RAB40C: variants seen among roughly 807,000 people sequenced by gnomAD.
The protein encoded by RAB40C is RAB40C, member RAS oncogene family.
RAB40C carries 8 observed loss-of-function variants against 28.1 expected under a neutral mutation model. The ratio of observed to expected loss-of-function variants is 0.28; its 90% confidence interval spans 0.17 to 0.51. The LOEUF (loss-of-function observed/expected upper bound fraction) is 0.51. RAB40C is among the 20% of genes least tolerant of loss of function. The probability of loss-of-function intolerance (pLI) is 0.97; values close to 1 mark genes in which losing one functional copy is unlikely to be tolerated. For missense variants in RAB40C, 288 were observed against 405.9 expected (o/e 0.71, Z 2.50); for synonymous variants, 201 against 171.7 (o/e 1.17, Z -1.34).
At chr16:620,332 G>T (rs2036684884) in intron 3 of RAB40C, among the ~76,000 whole-genome samples, 1 of 152,044 alleles carries the variant, frequency 6.6e-6, no homozygotes, top group Admixed American at 6.5e-5. Flanking sequence ...GGTGGAGGTT[G>T]CAGTGAGCCG....
chr16:621,539 C>T (rs765575068), intron 3 of RAB40C, among the ~76,000 whole-genome samples: 1 of 152,254 alleles, frequency 6.6e-6, no homozygotes. Context: ...GCTCTTCCCG[C>T]GAGGCCCTTC....
chr16:597,156 C>T (rs1272439302), intron 1 of RAB40C, among the ~76,000 whole-genome samples: 1 of 151,956 alleles, frequency 6.6e-6, no homozygotes, highest in African/African-American at 2.4e-5. Flanking sequence ...CAGCCAGGTT[C>T]TAGTGCTGGT....
chr16:598,561 C>CAAAAAAA (rs938034632), intron 1 of RAB40C, among the ~76,000 whole-genome samples: 34 of 53,510 alleles, frequency 6.4e-4, no homozygotes, highest in African/African-American at 7.8e-4. Context: ...CTCTGTCTCA[C>CAAAAAAA]AAAAAAAAAA....
At chr16:608,706 C>CA (rs1210090923) in intron 1 of RAB40C, among the ~76,000 whole-genome samples, 1 of 152,162 alleles carries the variant, frequency 6.6e-6, no homozygotes, top group Admixed American at 6.5e-5. Flanking sequence ...CCCATCTCTA[C>CA]AAAAAATGCA....
intron 1 of RAB40C, among the ~76,000 whole-genome samples, chr16:593,349 G>A (rs1349986660): frequency 6.6e-6 from 1 of 152,262 alleles, no homozygotes; most frequent in East Asian, 1.9e-4. Context: ...AGTTGTAGCA[G>A]GAGCTTTAGG....
intron 1 of RAB40C, among the ~76,000 whole-genome samples, chr16:604,018 T>C (rs1396945062): frequency 6.6e-6 from 1 of 152,174 alleles, no homozygotes; most frequent in Non-Finnish European, 1.5e-5. Context: ...TTTGGGGTAT[T>C]ACGAATAATG....
Position 628,665 on chromosome 16 carries a change from G to A in RAB40C, c.*1043G>A, listed in dbSNP as rs952330045. On this transcript the variant is annotated 3_prime_UTR_variant, in exon 6 of 6. Coordinates refer to ENST00000248139, the MANE Select transcript of RAB40C (RefSeq NM_021168.5). Reference sequence around the variant, plus strand: ...AGCCCGGCGCTCATGCTGAGCCCCAGGCACGCAGGGCCGGCCACCTCTCTC... The same window carrying A: ...AGCCCGGCGCTCATGCTGAGCCCCAAGCACGCAGGGCCGGCCACCTCTCTC... 1.3e-5 allele frequency: 2 copies of A among 152,592 alleles called. No individual in the cohort carries two copies. Among genetic ancestry groups the A allele is most frequent in the Non-Finnish European group, 2.9e-5 (2 of 68,148 alleles). 9.5% of individuals were successfully genotyped at this position (152,592 alleles called of 1,614,324 possible). A position where few individuals can be genotyped will look rare whatever the true frequency, so the allele number is the denominator to read the frequency against.
chr16:619,094 A>G (rs1307306438), intron 3 of RAB40C, among the ~76,000 whole-genome samples: 3 of 136,664 alleles, frequency 2.2e-5, no homozygotes, highest in African/African-American at 8.5e-5. Context: ...GTGTGCAGGC[A>G]TGTGCACAGG....
At chr16:603,129 G>C (rs1186643162) in intron 1 of RAB40C, among the ~76,000 whole-genome samples, 1 of 152,192 alleles carries the variant, frequency 6.6e-6, no homozygotes, top group African/African-American at 2.4e-5. Flanking sequence ...GTTTAGCCAG[G>C]TGTTCTGTGC....
At chr16:623,026 G>A (rs1253634898) in intron 3 of RAB40C, among the ~76,000 whole-genome samples, 2 of 152,058 alleles carry the variant, frequency 1.3e-5, no homozygotes, top group African/African-American at 2.4e-5. Flanking sequence ...GCAAGCCTCC[G>A]GGTCCTCCTG....
At position 624,220 on chromosome 16, in the gene RAB40C, A is replaced by G. The variant is rs1401253836; in HGVS notation, c.265-1212A>G. On this transcript the variant is annotated intron_variant, in intron 3 of 5. Coordinates refer to ENST00000248139, the MANE Select transcript of RAB40C (RefSeq NM_021168.5). ...GGTTGCCATGCGGGAGGTTGCCACTAGGGAGAGTGGGCTGTGTTGTACGCT... is the reference window on the plus strand; with the variant it reads ...GGTTGCCATGCGGGAGGTTGCCACTGGGGAGAGTGGGCTGTGTTGTACGCT... 5.1e-6 allele frequency: 5 copies of G among 985,266 alleles called. No homozygotes were observed. The Admixed American group carries it at 1.8e-4, about 36-fold the overall frequency. 61.0% of individuals were successfully genotyped at this position (985,266 alleles called of 1,614,324 possible).
intron 1 of RAB40C, among the ~76,000 whole-genome samples, chr16:594,900 A>G (rs879766447): frequency 1.3e-5 from 2 of 150,020 alleles, no homozygotes; most frequent in African/African-American, 2.5e-5. Context: ...GCTCACTGCA[A>G]CCTCTGCCTT....
In RAB40C at chr16:628,930, C is replaced by G. The variant is rs1481934930; in HGVS notation, c.*1308C>G. Reference sequence around the variant, plus strand: ...CAAGGTGGTCCCACGGAGGGTGTTACTGGGCACCAGTGGACTCGCCCCATG... The same window carrying G: ...CAAGGTGGTCCCACGGAGGGTGTTAGTGGGCACCAGTGGACTCGCCCCATG... On this transcript the variant is annotated 3_prime_UTR_variant, in exon 6 of 6. Coordinates refer to ENST00000248139, the MANE Select transcript of RAB40C (RefSeq NM_021168.5). The G allele has an allele frequency of 6.5e-6, 1 of 153,140 alleles. No individual in the cohort carries two copies. The highest frequency in any genetic ancestry group is 2.4e-5 in the African/African-American group (1 of 41,476). The allele number at this position is 153,140 out of a possible 1,614,324, so 9.5% of individuals were successfully genotyped here.
chr16:591,802 G>C (rs953902795), intron 1 of RAB40C, among the ~76,000 whole-genome samples: 1 of 151,944 alleles, frequency 6.6e-6, no homozygotes, highest in Non-Finnish European at 1.5e-5. Context: ...TCAGCATGTC[G>C]GCCAGGATGG....
At chr16:617,084 TG>T in intron 1 of RAB40C, 123 bp from the exon 2 acceptor site, 1 of 995,102 alleles carries the variant, frequency 1.0e-6, no homozygotes, top group Non-Finnish European at 1.6e-6. Context: ...TGGCTGAGTG[TG>T]GGGGAGCTGC....
Position 627,519 on chromosome 16 carries a change from G to A in RAB40C, c.743G>A (p.Gly248Glu). Residue 248 changes from glycine to glutamate, a missense_variant, in exon 6 of 6, where the codon GGG (glycine) becomes GAG (glutamate). Gly to Glu is a moderately conservative substitution (Grantham distance 98, BLOSUM62 -2). Transcript: ENST00000248139. Reference sequence around the variant, plus strand: ...TCCTACTCCCTGGCCAGCGGGGCCGGGGGCGGCGGCAGCAAGGGCAACAGC... The same window carrying A: ...TCCTACTCCCTGGCCAGCGGGGCCGAGGGCGGCGGCAGCAAGGGCAACAGC... ...GRSYSLASGA[G>E]GGGSKGNSLK... is the part of the protein sequence containing the mutation. 2 of 1,613,762 alleles carry A rather than the reference G, an allele frequency of 1.2e-6. No individual in the cohort carries two copies. The highest frequency in any genetic ancestry group is 8.5e-7 in the Non-Finnish European group (1 of 1,179,998).
intron 1 of RAB40C, among the ~76,000 whole-genome samples, chr16:609,879 G>A (rs905669637): frequency 2.6e-5 from 4 of 152,188 alleles, no homozygotes; most frequent in African/African-American, 9.7e-5. Flanking sequence ...GGAGGGGGGA[G>A]CTGAGGCACG....
chr16:624,996 G>A (rs1379055035), intron 3 of RAB40C: 25 of 1,289,766 alleles, frequency 1.9e-5, no homozygotes, highest in Non-Finnish European at 2.2e-5. Context: ...ATTCTGCTCT[G>A]CAAGTTTTAG....
At chr16:604,887 G>A (rs564241045) in intron 1 of RAB40C, among the ~76,000 whole-genome samples, 23 of 152,170 alleles carry the variant, frequency 1.5e-4, no homozygotes, top group Middle Eastern at 3.4e-3. Context: ...TGGTGAAACC[G>A]TATCTCTACT....
Sources: gnomAD v4.1 joint callset for allele counts (sites outside exome capture counted in the v4.1 genomes callset) on GRCh38, gnomAD v4.1.1 for gene constraint, MANE v1.5 for transcripts, NCBI Gene and HGNC (gene_info 2026-07-23, HGNC 2026-07-21) for gene names.